AGBL4: variants seen among roughly 807,000 people sequenced by gnomAD.
The protein encoded by AGBL4 is cytosolic carboxypeptidase 6.
Under a neutral mutation model 66.4 loss-of-function variants are expected in AGBL4, and 58 were observed. The observed-to-expected ratio is 0.87, with a 90% confidence interval of 0.71 to 1.09. The LOEUF is 1.09. Among genes scored for constraint, AGBL4 ranks in the 50% least tolerant of loss-of-function variants. The pLI is 0.00. For synonymous variants in AGBL4, 234 were observed against 222.9 expected, an observed-to-expected ratio of 1.05 and a Z score of -0.44; for missense variants, 579 against 631.0, an observed-to-expected ratio of 0.92 and a Z score of 0.88.
At chr1:49,634,097 G>C (rs1645624432) in intron 3 of AGBL4, among the ~76,000 whole-genome samples, 1 of 151,388 alleles carries the variant, frequency 6.6e-6, no homozygotes, top group Non-Finnish European at 1.5e-5. Context: ...TAAGATCCAG[G>C]ATACATGTGC....
At chr1:48,652,729 T>TAGG (rs1645951381) in intron 8 of AGBL4, among the ~76,000 whole-genome samples, 3 of 152,180 alleles carry the variant, frequency 2.0e-5, no homozygotes, top group African/African-American at 7.2e-5. Context: ...CAGATAATCT[T>TAGG]CTGGGCAGTG....
chr1:49,771,347 T>C (rs1289398768), intron 2 of AGBL4, among the ~76,000 whole-genome samples: 1 of 152,144 alleles, frequency 6.6e-6, no homozygotes, highest in Non-Finnish European at 1.5e-5. Context: ...TATAACATTG[T>C]GGTACAAAAT....
intron 9 of AGBL4, among the ~76,000 whole-genome samples, chr1:48,608,069 G>C (rs1569984996): frequency 6.6e-6 from 1 of 152,194 alleles, no homozygotes; most frequent in East Asian, 1.9e-4. Context: ...AAGGGGCTCA[G>C]AGGACAAAGT....
At chr1:49,921,007 G>A (rs550591382) in intron 1 of AGBL4, among the ~76,000 whole-genome samples, 37 of 152,228 alleles carry the variant, frequency 2.4e-4, no homozygotes, top group Non-Finnish European at 4.4e-4. Flanking sequence ...ACCGAACACC[G>A]CACGTTCTCA....
chr1:49,216,763 G>A (rs1649124467), intron 4 of AGBL4, among the ~76,000 whole-genome samples: 3 of 152,000 alleles, frequency 2.0e-5, no homozygotes, highest in African/African-American at 7.2e-5. Context: ...AAGTCAGTAA[G>A]GCTTTCAAAT....
chr1:49,794,382 T>A (rs1460686304), intron 2 of AGBL4, among the ~76,000 whole-genome samples: 2 of 151,964 alleles, frequency 1.3e-5, no homozygotes, highest in African/African-American at 4.8e-5. Flanking sequence ...GATATGTACT[T>A]CAATTTACCT....
At position 49,952,095 on chromosome 1, in the gene AGBL4, C is replaced by A. The variant is rs576685182; in HGVS notation, c.34+71668G>T. ...GAAATGGATAGTGATAATGGTTGTA[C>A]AACATTGTGAATATATTTAATGCCA... On this transcript the variant is annotated intron_variant, in intron 1 of 13. Transcript: ENST00000371839. Among the ~76,000 whole-genome samples, 86 of 151,620 alleles carry A rather than the reference C, an allele frequency of 5.7e-4. 2 individuals carry two copies. In the South Asian group the frequency reaches 0.017, roughly 29 times the overall value.
chr1:49,810,852 A>G (rs1645084459), intron 2 of AGBL4, among the ~76,000 whole-genome samples: 1 of 152,170 alleles, frequency 6.6e-6, no homozygotes, highest in African/African-American at 2.4e-5. Context: ...AAACATATAC[A>G]ACATATTGAA....
chr1:49,012,981 C>G (rs1266412851), intron 5 of AGBL4, among the ~76,000 whole-genome samples: 1 of 152,192 alleles, frequency 6.6e-6, no homozygotes, highest in African/African-American at 2.4e-5. Flanking sequence ...CAGGTCAGCT[C>G]TCTCACAAGC....
intron 2 of AGBL4, among the ~76,000 whole-genome samples, chr1:49,849,425 T>A (rs12749437): frequency 0.012 from 1,784 of 145,368 alleles, 33 homozygotes; most frequent in Middle Eastern, 0.029. Context: ...TTATTATTAT[T>A]ATTATTATGT....
chr1:48,590,772 G>A lies in AGBL4; in HGVS notation c.1104+61C>T, dbSNP rs921201454. 2.0e-6 allele frequency: 3 copies of A among 1,515,164 alleles called. No individual in the cohort carries two copies. In the African/African-American group the frequency reaches 4.1e-5, roughly 21 times the overall value. The allele number at this position is 1,515,164 out of a possible 1,614,324, so 93.9% of individuals were successfully genotyped here. On this transcript the variant is annotated intron_variant, in intron 10 of 13. Transcript: ENST00000371839. The stretch of plus-strand genomic sequence containing the variant: ...TAAAGCAAACTGAACTGAGTGAGAA[G>A]GAAGACGGGGAGGCAGGGTGTGGGG...
At chr1:49,754,965 G>A (rs1651781793) in intron 2 of AGBL4, among the ~76,000 whole-genome samples, 1 of 152,092 alleles carries the variant, frequency 6.6e-6, no homozygotes, top group African/African-American at 2.4e-5. Context: ...TTGCTTTTAT[G>A]ATGTTTAACT....
chr1:49,015,714 G>C (rs1662772581), intron 5 of AGBL4, among the ~76,000 whole-genome samples: 2 of 151,900 alleles, frequency 1.3e-5, no homozygotes, highest in South Asian at 4.2e-4. Flanking sequence ...TTGAGCCACC[G>C]CGCCTGGCCT....
chr1:48,692,868 C>A (rs1191556886), intron 6 of AGBL4, among the ~76,000 whole-genome samples: 1 of 152,178 alleles, frequency 6.6e-6, no homozygotes, highest in Non-Finnish European at 1.5e-5. Flanking sequence ...GCCCGCAATA[C>A]CACCAATAGC....
chr1:49,903,512 T>G (rs1448708245), intron 1 of AGBL4, among the ~76,000 whole-genome samples: 2 of 152,196 alleles, frequency 1.3e-5, no homozygotes, highest in East Asian at 1.9e-4. Context: ...AAAGTTATTA[T>G]AAAAAATAAT....
Position 48,619,445 on chromosome 1 carries a change from G to C in AGBL4, c.951+15048C>G, listed in dbSNP as rs531777742. On this transcript the variant is annotated intron_variant, in intron 9 of 13. Coordinates refer to ENST00000371839, the MANE Select transcript of AGBL4 (RefSeq NM_032785.4). ...ATGGGGATAATAATGCTCATTTCTA[G>C]AGGTTGTTATATGGACTAGATGAAA... Among the ~76,000 whole-genome samples the C allele has an allele frequency of 5.8e-4, 89 of 152,294 alleles. 2 individuals carry two copies. Among genetic ancestry groups the C allele is most frequent in the African/African-American group, 2.1e-3 (87 of 41,562 alleles).
At chr1:48,910,755 G>A (rs1225068688) in intron 5 of AGBL4, among the ~76,000 whole-genome samples, 1 of 152,080 alleles carries the variant, frequency 6.6e-6, no homozygotes, top group Middle Eastern at 3.2e-3. Context: ...AGAGGTGGCC[G>A]TAATTGCTGC....
At chr1:49,258,500 G>A (rs1435431918) in intron 3 of AGBL4, among the ~76,000 whole-genome samples, 10 of 152,120 alleles carry the variant, frequency 6.6e-5, no homozygotes, top group African/African-American at 9.7e-5. Flanking sequence ...CGAGAACTAC[G>A]TGAAGAATGC....
chr1:49,914,876 T>C (rs1337535303), intron 1 of AGBL4, among the ~76,000 whole-genome samples: 2 of 151,894 alleles, frequency 1.3e-5, no homozygotes, highest in African/African-American at 4.8e-5. Context: ...AAAGGGCCCA[T>C]AAGAGAGAGA....
Sources: gnomAD v4.1 joint callset for allele counts (sites outside exome capture counted in the v4.1 genomes callset) on GRCh38, gnomAD v4.1.1 for gene constraint, MANE v1.5 for transcripts, NCBI Gene and HGNC (gene_info 2026-07-23, HGNC 2026-07-21) for gene names.